EPHA6: variants seen among roughly 807,000 people sequenced by gnomAD.
EPHA6 encodes EPH receptor A6, also known as ephrin type-A receptor 6.
A neutral mutation model predicts 112.0 loss-of-function variants in EPHA6; 50 were observed. The observed-to-expected ratio is 0.45, with a 90% CI of 0.36 to 0.56. The LOEUF is 0.56. EPHA6 is among the 20% of genes least tolerant of loss of function. The pLI, the probability that EPHA6 is intolerant of heterozygous loss-of-function variation, is 0.00. For synonymous variants in EPHA6, 529 were observed against 490.7 expected (o/e 1.08, Z -1.03); for missense variants, 1,280 against 1,417.4 (o/e 0.90, Z 1.56).
At chr3:97,308,656 A>G (rs1350824771) in intron 5 of EPHA6, among the ~76,000 whole-genome samples, 1 of 151,740 alleles carries the variant, frequency 6.6e-6, no homozygotes, top group Non-Finnish European at 1.5e-5. Context: ...CCCTCTCTGT[A>G]CTCTGCAACA....
chr3:97,553,562 T>C (rs781399767), intron 11 of EPHA6, among the ~76,000 whole-genome samples: 22 of 151,768 alleles, frequency 1.4e-4, no homozygotes, highest in Non-Finnish European at 3.2e-4. Flanking sequence ...AGTGAGGAAG[T>C]GCCACACTTT....
intron 2 of EPHA6, among the ~76,000 whole-genome samples, chr3:96,930,892 C>A (rs563011339): frequency 7.0e-6 from 1 of 143,766 alleles, no homozygotes; most frequent in Non-Finnish European, 1.5e-5. Context: ...TTCAGTGGAC[C>A]GAGACAGGAG....
chr3:97,052,113 A>G (rs929043365), intron 3 of EPHA6, among the ~76,000 whole-genome samples: 2 of 152,134 alleles, frequency 1.3e-5, no homozygotes, highest in African/African-American at 4.8e-5. Flanking sequence ...TGACTTGGCT[A>G]TGTCTACATG....
At chr3:97,270,541 C>T (rs181467822) in intron 5 of EPHA6, among the ~76,000 whole-genome samples, 1 of 152,258 alleles carries the variant, frequency 6.6e-6, no homozygotes, top group African/African-American at 2.4e-5. Flanking sequence ...TTAAGCAAGT[C>T]GGATTTGCCT....
intron 2 of EPHA6, among the ~76,000 whole-genome samples, chr3:96,961,880 A>C (rs755992402): frequency 6.6e-6 from 1 of 152,154 alleles, no homozygotes; most frequent in Non-Finnish European, 1.5e-5. Flanking sequence ...CAGGTAGTTT[A>C]TTTGGGAGAT....
chr3:97,461,914 A>T (rs2090900890), intron 7 of EPHA6, among the ~76,000 whole-genome samples: 1 of 152,172 alleles, frequency 6.6e-6, no homozygotes, highest in Non-Finnish European at 1.5e-5. Flanking sequence ...CATTAGGCCC[A>T]TTCCAGCAAT....
At chr3:97,379,610 A>T (rs994087287) in intron 5 of EPHA6, among the ~76,000 whole-genome samples, 1 of 151,688 alleles carries the variant, frequency 6.6e-6, no homozygotes, top group Admixed American at 6.6e-5. Flanking sequence ...TTAGCTGGGC[A>T]TGGTGGCAGG....
At chr3:97,471,832 G>A (rs2091238409) in intron 7 of EPHA6, among the ~76,000 whole-genome samples, 2 of 151,698 alleles carry the variant, frequency 1.3e-5, no homozygotes, top group African/African-American at 4.8e-5. Context: ...GGTTTCCTAG[G>A]ACTGTTGAAA....
In EPHA6 at chr3:97,557,914, C is replaced by T. The variant is rs552070199; in HGVS notation, c.2386+25371C>T. Among the ~76,000 whole-genome samples the T allele has an allele frequency of 2.6e-5, 4 of 151,928 alleles. No individual in the cohort carries two copies. The East Asian group carries it at 5.8e-4, about 22-fold the overall frequency. Reference sequence around the variant, plus strand: ...AATTCTCATCACACATTTTTCATGACTCATCTATTCTTTAGCTATATTTGC... The same window carrying T: ...AATTCTCATCACACATTTTTCATGATTCATCTATTCTTTAGCTATATTTGC... On this transcript the variant is annotated intron_variant, in intron 11 of 17. Coordinates refer to ENST00000389672, the MANE Select transcript of EPHA6 (RefSeq NM_001080448.3).
chr3:97,425,288 A>G (rs2089018614), intron 6 of EPHA6, among the ~76,000 whole-genome samples: 1 of 152,220 alleles, frequency 6.6e-6, no homozygotes, highest in South Asian at 2.1e-4. Flanking sequence ...GAGGTTCTTC[A>G]TGAAGGCTTC....
chr3:97,446,568 G>C (rs1458304), intron 6 of EPHA6, among the ~76,000 whole-genome samples: 17,564 of 151,986 alleles, frequency 0.12, 3,224 homozygotes, highest in African/African-American at 0.39. Flanking sequence ...GAGACTAAAT[G>C]CTTTTTTTCA....
At position 96,987,563 on chromosome 3, in the gene EPHA6, G is replaced by T; in HGVS notation, c.684G>T (p.Glu228Asp). Reference protein sequence around the residue: ...TFNLFYMESDESHGIKFKPNQ... With the variant: ...TFNLFYMESDDSHGIKFKPNQ... ...ATCTGTTTTATATGGAATCAGATGA[G>T]TCCCACGGAATTAAATTCAAGCCAA... Residue 228 changes from glutamate to aspartate, a missense_variant, in exon 3 of 18, where the codon GAG becomes GAT. This residue lies in a region of EPHA6 where 878 missense variants were observed against 999.7 expected (regional missense o/e 0.88). Transcript: ENST00000389672. The T allele has an allele frequency of 2.5e-6, 4 of 1,613,916 alleles. No homozygotes were observed. Among genetic ancestry groups the T allele is most frequent in the Non-Finnish European group, 2.5e-6 (3 of 1,179,848 alleles).
At chr3:97,324,405 T>TTTTCTTTCTTTCCTTC (rs2082271300) in intron 5 of EPHA6, among the ~76,000 whole-genome samples, 1 of 104,492 alleles carries the variant, frequency 9.6e-6, no homozygotes, top group Admixed American at 1.1e-4. Flanking sequence ...GCTTTCCTTC[T>TTTTCTTTCTTTCCTTC]TTTCTTTCTT....
At chr3:96,994,755 A>AGAGAGAGAGAGAGAGAGAGAGAGAGC (rs2043350886) in intron 3 of EPHA6, among the ~76,000 whole-genome samples, 1 of 134,710 alleles carries the variant, frequency 7.4e-6, no homozygotes, top group African/African-American at 3.1e-5. Context: ...AGAGAGAGAG[A>AGAGAGAGAGAGAGAGAGAGAGAGAGC]GAGAGAGCTA....
At chr3:97,679,266 A>G (rs1297361356) in intron 14 of EPHA6, among the ~76,000 whole-genome samples, 1 of 152,114 alleles carries the variant, frequency 6.6e-6, no homozygotes, top group Non-Finnish European at 1.5e-5. Context: ...AATCTATTCA[A>G]TCTCTTTCCT....
Position 96,989,672 on chromosome 3 carries a change from T to C in EPHA6, c.1114+1679T>C, listed in dbSNP as rs369021343. 6.6e-5 allele frequency among the ~76,000 whole-genome samples: 10 copies of C among 152,152 alleles called. No individual in the cohort carries two copies. The East Asian group carries it at 1.9e-3, about 29-fold the overall frequency. On this transcript the variant is annotated intron_variant, in intron 3 of 17. Coordinates refer to ENST00000389672, the MANE Select transcript of EPHA6 (RefSeq NM_001080448.3). ...GAACACCTCAGGAAACTTACAATCA[T>C]GGCAGAAGGCGAAGGGGAAGCATGT...
At chr3:97,073,339 T>A (rs1158263595) in intron 3 of EPHA6, among the ~76,000 whole-genome samples, 1 of 152,094 alleles carries the variant, frequency 6.6e-6, no homozygotes, top group East Asian at 1.9e-4. Flanking sequence ...TTAAGCAATG[T>A]CATAACCTCC....
intron 11 of EPHA6, among the ~76,000 whole-genome samples, chr3:97,588,314 G>A (rs1487713924): frequency 6.6e-6 from 1 of 152,114 alleles, no homozygotes; most frequent in Non-Finnish European, 1.5e-5. Flanking sequence ...CCTGCACCAC[G>A]TCAAACACAT....
rs2078340276 is a variant in EPHA6 at position 97,225,884 on chromosome 3, GTTTAATGTTA to G, written c.1115-372_1115-363del. Among the ~76,000 whole-genome samples, 5 of 152,124 alleles carry G rather than the reference GTTTAATGTTA, an allele frequency of 3.3e-5. No homozygotes were observed. The South Asian group carries it at 1.0e-3, about 31-fold the overall frequency. On this transcript the variant is annotated intron_variant, in intron 3 of 17. Coordinates refer to ENST00000389672, the MANE Select transcript of EPHA6 (RefSeq NM_001080448.3). ...ATGTAAATACATTTTGAACAGAATG[GTTTAATGTTA>G]TTTAATGCCTTCTCTGAGAACGACA...
Sources: gnomAD v4.1 joint callset for allele counts (sites outside exome capture counted in the v4.1 genomes callset) on GRCh38, gnomAD v4.1.1 for gene constraint, gnomAD v4.1.1 regional missense constraint, MANE v1.5 for transcripts, NCBI Gene and HGNC (gene_info 2026-07-23, HGNC 2026-07-21) for gene names.